Variants in MOV10L1 observed in about 807,000 individuals in gnomAD.
MOV10L1 encodes Mov10 like RNA helicase 1.
Under a neutral mutation model 143.8 loss-of-function variants are expected in MOV10L1, and 110 were observed. The observed-to-expected ratio is 0.76, with a 90% CI of 0.66 to 0.90. The LOEUF (loss-of-function observed/expected upper bound fraction) is 0.90. Among genes scored for constraint, MOV10L1 ranks in the 40% least tolerant of loss-of-function variants. The probability of loss-of-function intolerance (pLI) is 0.00; values close to 1 mark genes in which losing one functional copy is unlikely to be tolerated. For missense variants in MOV10L1, 1,406 were observed against 1,526.8 expected (o/e 0.92, Z 1.32); for synonymous variants, 593 against 581.1 (o/e 1.02, Z -0.29).
chr22:50,130,290 A>T (rs2062634382), intron 13 of MOV10L1, among the ~76,000 whole-genome samples: 1 of 152,004 alleles, frequency 6.6e-6, no homozygotes, highest in South Asian at 2.1e-4. Context: ...AAATAAATAA[A>T]TAAATTTTAT....
At chr22:50,097,586 G>A (rs2062621096) in intron 2 of MOV10L1, among the ~76,000 whole-genome samples, 1 of 152,036 alleles carries the variant, frequency 6.6e-6, no homozygotes, top group African/African-American at 2.4e-5. Context: ...TTATTTCTGG[G>A]TCTCTTTACT....
intron 19 of MOV10L1, among the ~76,000 whole-genome samples, chr22:50,147,613 C>A (rs1173426905): frequency 6.6e-6 from 1 of 152,056 alleles, no homozygotes; most frequent in Non-Finnish European, 1.5e-5. Flanking sequence ...GTGCTGCAGC[C>A]CAGCTGCAGA....
At chr22:50,099,381 C>T in intron 2 of MOV10L1, 62 bp from the exon 3 acceptor site, 1 of 1,568,052 alleles carries the variant, frequency 6.4e-7, no homozygotes, top group South Asian at 1.2e-5. Flanking sequence ...GCATGCCAGC[C>T]TGTAGTTTGC....
At chr22:50,092,587 A>G (rs1372307888) in intron 2 of MOV10L1, among the ~76,000 whole-genome samples, 1 of 152,182 alleles carries the variant, frequency 6.6e-6, no homozygotes, top group Non-Finnish European at 1.5e-5. Context: ...GCAATGAGTT[A>G]TGATTGCACT....
rs1359344577 is a variant in MOV10L1, at chr22:50,120,557, C to T, written c.1510C>T (p.Leu504Phe). The change falls in exon 10 of 27, where the codon CTT becomes TTT. Residue 504 changes from leucine to phenylalanine, a missense_variant. By Grantham distance (22) the Leu-to-Phe change is conservative. This residue lies in a region of MOV10L1 where 1,233 missense variants were observed against 1,351.4 expected (regional missense o/e 0.91). Coordinates refer to ENST00000262794, the MANE Select transcript of MOV10L1 (RefSeq NM_018995.3). ...TCCCCAATATCCAATCCCAGATAGA[C>T]TTAGAAAATGTGTGGAACAAAAAAT... ...FLPQYPIPDR[L>F]RKCVEQKIDI... 6.2e-6 allele frequency: 10 copies of T among 1,613,726 alleles called. No individual in the cohort carries two copies. The highest frequency in any genetic ancestry group is 2.2e-5 in the East Asian group (1 of 44,890).
At chr22:50,144,464 C>G (rs1250385583) in intron 18 of MOV10L1, among the ~76,000 whole-genome samples, 1 of 152,256 alleles carries the variant, frequency 6.6e-6, no homozygotes, top group Non-Finnish European at 1.5e-5. Flanking sequence ...TGAGTTATCA[C>G]ACCTATTGTG....
intron 3 of MOV10L1, among the ~76,000 whole-genome samples, chr22:50,103,337 G>A (rs573410791): frequency 7.9e-5 from 12 of 152,342 alleles, no homozygotes; most frequent in African/African-American, 2.9e-4. Context: ...GGCTCAGGTT[G>A]TTTTATACAC....
intron 13 of MOV10L1, 23 bp downstream of exon 13, chr22:50,128,530 T>A: frequency 8.9e-7 from 1 of 1,127,086 alleles, no homozygotes; most frequent in Non-Finnish European, 1.3e-6. Context: ...GTGAGTCTTC[T>A]TTCAAATGTC....
chr22:50,106,544 C>G (rs6010137), intron 3 of MOV10L1, among the ~76,000 whole-genome samples: 1 of 151,714 alleles, frequency 6.6e-6, no homozygotes, highest in Admixed American at 6.6e-5. Flanking sequence ...ACATTAATAG[C>G]TATTGCTTCA....
At chr22:50,108,509 G>T (rs1463164413) in intron 4 of MOV10L1, 148 bp from the exon 5 acceptor site, 6 of 843,010 alleles carry the variant, frequency 7.1e-6, no homozygotes, top group Non-Finnish European at 1.1e-5. Flanking sequence ...AGGTGTGTTG[G>T]AGAATCACTG....
chr22:50,135,650 C>T (rs191998473), intron 15 of MOV10L1, among the ~76,000 whole-genome samples: 115 of 150,824 alleles, frequency 7.6e-4, no homozygotes, highest in African/African-American at 2.7e-3. Flanking sequence ...ACTCAGGAGG[C>T]TGAGGCAGGA....
At chr22:50,144,771 C>T (rs372956662) in intron 18 of MOV10L1, among the ~76,000 whole-genome samples, 28 of 151,964 alleles carry the variant, frequency 1.8e-4, no homozygotes, top group African/African-American at 5.1e-4. Flanking sequence ...TTAGTAGAGA[C>T]GGAGTTTCAC....
chr22:50,150,753 C>G lies in MOV10L1; in HGVS notation c.2746C>G (p.Pro916Ala). Residue 916 changes from proline (P) to alanine (A), a missense_variant, in exon 21 of 27, where the codon CCC (proline) becomes GCC (alanine). Physicochemically the swap from Pro to Ala is conservative, Grantham distance 27 (BLOSUM62 -1). Coordinates refer to ENST00000262794, the MANE Select transcript of MOV10L1 (RefSeq NM_018995.3). ...ISGQIVLAGD[P>A]MQLGPVIKSR... is the part of the protein sequence containing the mutation. ...TGTGCAGATCGTGCTGGCAGGAGACCCCATGCAGCTCGGCCCAGTCATTAA... is the reference window on the plus strand; with the variant it reads ...TGTGCAGATCGTGCTGGCAGGAGACGCCATGCAGCTCGGCCCAGTCATTAA... 1.2e-6 allele frequency: 2 copies of G among 1,613,954 alleles called. No individual in the cohort carries two copies. Among genetic ancestry groups the G allele is most frequent in the Non-Finnish European group, 8.5e-7 (1 of 1,179,976 alleles).
chr22:50,118,639 G>A (rs1006314574), intron 9 of MOV10L1, among the ~76,000 whole-genome samples: 1 of 152,178 alleles, frequency 6.6e-6, no homozygotes, highest in African/African-American at 2.4e-5. Context: ...TTAATAGGTG[G>A]TTGGTGGAAG....
intron 2 of MOV10L1, chr22:50,095,162 A>C (rs1301790475): frequency 6.6e-6 from 1 of 152,216 alleles, no homozygotes; most frequent in Non-Finnish European, 1.5e-5. Flanking sequence ...TGGCTTAGAG[A>C]CTGTGAATGC....
At chr22:50,114,649 G>C (rs369504637) in intron 7 of MOV10L1, 27 bp downstream of exon 7, 1 of 1,609,396 alleles carries the variant, frequency 6.2e-7, no homozygotes, top group Admixed American at 1.7e-5. Flanking sequence ...CTGTCACTGC[G>C]TGAGGTCGGG....
At chr22:50,104,687 T>C (rs2061825753) in intron 3 of MOV10L1, among the ~76,000 whole-genome samples, 4 of 152,322 alleles carry the variant, frequency 2.6e-5, no homozygotes, top group African/African-American at 9.6e-5. Flanking sequence ...AAATGTCATA[T>C]TGGTTATCTG....
intron 3 of MOV10L1, among the ~76,000 whole-genome samples, chr22:50,105,953 G>A (rs1255100460): frequency 6.6e-6 from 1 of 152,182 alleles, no homozygotes; most frequent in East Asian, 1.9e-4. Context: ...CCATCTGAGT[G>A]CATTTCTGCT....
intron 1 of MOV10L1, 128 bp downstream of exon 1, chr22:50,090,313 T>A (rs2146972037): frequency 6.8e-7 from 1 of 1,462,320 alleles, no homozygotes; most frequent in African/African-American, 1.4e-5. Flanking sequence ...CCTTTCCTCA[T>A]CTCCGCTGGC....
Sources: gnomAD v4.1 joint callset for allele counts (sites outside exome capture counted in the v4.1 genomes callset) on GRCh38, gnomAD v4.1.1 for gene constraint, gnomAD v4.1.1 regional missense constraint, MANE v1.5 for transcripts, NCBI Gene and HGNC (gene_info 2026-07-23, HGNC 2026-07-21) for gene names.